The following JARID2 variants were observed in gnomAD, a reference collection of about 807,000 sequenced individuals.
JARID2 encodes protein Jumonji.
In JARID2, 21 loss-of-function variants were observed where a neutral mutation model predicts 125.6. The ratio of observed to expected loss-of-function variants is 0.17; its 90% CI spans 0.12 to 0.24. The LOEUF (loss-of-function observed/expected upper bound fraction) is 0.24. JARID2 is among the 10% of genes least tolerant of loss of function. The pLI is 1.00. For synonymous variants in JARID2, 736 were observed against 661.6 expected (o/e 1.11, Z -1.73); for missense variants, 1,303 against 1,639.6 (o/e 0.79, Z 3.55).
At chr6:15,519,177 C>A (rs1460473672) in intron 17 of JARID2, among the ~76,000 whole-genome samples, 6 of 152,244 alleles carry the variant, frequency 3.9e-5, no homozygotes, top group African/African-American at 1.4e-4. Context: ...CGCTCCTCCT[C>A]ACTTGTCCTT....
intron 2 of JARID2, among the ~76,000 whole-genome samples, chr6:15,387,503 A>G (rs66478504): frequency 0.091 from 13,815 of 152,136 alleles, 792 homozygotes; most frequent in South Asian, 0.16. Flanking sequence ...CTCAGGTCAG[A>G]GCCCTGTGCC....
intron 9 of JARID2, among the ~76,000 whole-genome samples, chr6:15,505,495 C>T (rs575531554): frequency 8.5e-5 from 13 of 152,310 alleles, no homozygotes; most frequent in African/African-American, 2.9e-4. Flanking sequence ...CCTGCTCAAA[C>T]CAGGACAGCT....
chr6:15,345,983 G>A (rs751776178), intron 1 of JARID2, among the ~76,000 whole-genome samples: 5 of 152,204 alleles, frequency 3.3e-5, no homozygotes, highest in Non-Finnish European at 7.3e-5. Flanking sequence ...CATACATTCC[G>A]TAAGTGTTCG....
At chr6:15,356,703 T>C (rs1763611706) in intron 1 of JARID2, among the ~76,000 whole-genome samples, 1 of 152,254 alleles carries the variant, frequency 6.6e-6, no homozygotes, top group Non-Finnish European at 1.5e-5. Context: ...TTTTGGATTC[T>C]TGTTATTTAT....
chr6:15,386,621 C>T (rs186273480), intron 2 of JARID2, among the ~76,000 whole-genome samples: 13 of 152,338 alleles, frequency 8.5e-5, no homozygotes, highest in Admixed American at 5.2e-4. Flanking sequence ...TTCGCCTGGC[C>T]GGTTGAGTTC....
intron 2 of JARID2, among the ~76,000 whole-genome samples, chr6:15,375,622 A>G (rs1379941457): frequency 6.6e-6 from 1 of 152,216 alleles, no homozygotes; most frequent in East Asian, 1.9e-4. Flanking sequence ...GTTGCTTGTA[A>G]TACAGTAAAC....
chr6:15,283,258 G>A (rs551858332), intron 1 of JARID2, among the ~76,000 whole-genome samples: 14 of 150,388 alleles, frequency 9.3e-5, no homozygotes, highest in South Asian at 4.2e-4. Context: ...GATTACAGGT[G>A]TGAGCCACTG....
At chr6:15,342,648 G>T (rs958438954) in intron 1 of JARID2, among the ~76,000 whole-genome samples, 43 of 152,034 alleles carry the variant, frequency 2.8e-4, no homozygotes, top group Non-Finnish European at 5.6e-4. Flanking sequence ...TTAATGGGGG[G>T]TATTCTATTA....
intron 16 of JARID2, among the ~76,000 whole-genome samples, chr6:15,514,094 AAC>A (rs1771426869): frequency 6.6e-6 from 1 of 152,144 alleles, no homozygotes; most frequent in Non-Finnish European, 1.5e-5. Context: ...GTTAATACCA[AAC>A]ACCTCCTCCC....
At chr6:15,426,840 G>T (rs1766749832) in intron 3 of JARID2, among the ~76,000 whole-genome samples, 1 of 152,104 alleles carries the variant, frequency 6.6e-6, no homozygotes, top group Non-Finnish European at 1.5e-5. Context: ...GCCATTTTAT[G>T]GTTTTGATCA....
At chr6:15,346,088 T>C (rs1189981432) in intron 1 of JARID2, among the ~76,000 whole-genome samples, 1 of 152,236 alleles carries the variant, frequency 6.6e-6, no homozygotes, top group Non-Finnish European at 1.5e-5. Context: ...CAGATGTAGA[T>C]TGGACGCTTA....
At chr6:15,412,070 T>C (rs1182245262) in intron 3 of JARID2, among the ~76,000 whole-genome samples, 3 of 152,226 alleles carry the variant, frequency 2.0e-5, no homozygotes, top group African/African-American at 4.8e-5. Context: ...TTTTCAGAGT[T>C]AGCTGAAGGA....
chr6:15,425,944 C>T (rs1766707107), intron 3 of JARID2, among the ~76,000 whole-genome samples: 1 of 152,116 alleles, frequency 6.6e-6, no homozygotes, highest in Non-Finnish European at 1.5e-5. Context: ...TAGTATTGTG[C>T]TTTTCTGGGT....
At chr6:15,277,235 G>A (rs1483580214) in intron 1 of JARID2, among the ~76,000 whole-genome samples, 2 of 152,132 alleles carry the variant, frequency 1.3e-5, no homozygotes, top group African/African-American at 4.8e-5. Context: ...GTGGGTGGCT[G>A]GAGTATATGC....
intron 1 of JARID2, among the ~76,000 whole-genome samples, chr6:15,322,347 C>G (rs893531914): frequency 6.6e-6 from 1 of 152,182 alleles, no homozygotes; most frequent in Non-Finnish European, 1.5e-5. Flanking sequence ...GTAGTCCTAG[C>G]TACGCAAGCC....
At chr6:15,490,681 C>T (rs1278621821) in intron 6 of JARID2, among the ~76,000 whole-genome samples, 1 of 152,222 alleles carries the variant, frequency 6.6e-6, no homozygotes, top group Non-Finnish European at 1.5e-5. Flanking sequence ...AGGGTCTCAC[C>T]AAGGAGCAAA....
chr6:15,340,262 G>T (rs1466971473), intron 1 of JARID2, among the ~76,000 whole-genome samples: 1 of 152,166 alleles, frequency 6.6e-6, no homozygotes, highest in Non-Finnish European at 1.5e-5. Context: ...TCCAATTTGT[G>T]TGCACCTTCT....
At position 15,434,800 on chromosome 6, in the gene JARID2, C is replaced by CT. The variant is rs142972535; in HGVS notation, c.324-17204dup. Among the ~76,000 whole-genome samples the CT allele has an allele frequency of 5.1e-3, 776 of 152,292 alleles. 21 individuals carry two copies. The highest frequency in any genetic ancestry group is 0.046 in the Admixed American group (703 of 15,304). ...TTTCTCAGCTTTCCGTATCTTGGGC[C>CT]TTAACCTCTGCTGGAAGAGGACTTT... On this transcript the variant is annotated intron_variant, in intron 3 of 17. Transcript: ENST00000341776.
intron 5 of JARID2, among the ~76,000 whole-genome samples, chr6:15,480,382 A>G (rs1285032592): frequency 6.6e-6 from 1 of 152,150 alleles, no homozygotes; most frequent in African/African-American, 2.4e-5. Flanking sequence ...GCATAATTCC[A>G]GGATATCTTA....
Sources: gnomAD v4.1 joint callset for allele counts (sites outside exome capture counted in the v4.1 genomes callset) on GRCh38, gnomAD v4.1.1 for gene constraint, MANE v1.5 for transcripts, NCBI Gene and HGNC (gene_info 2026-07-23, HGNC 2026-07-21) for gene names.